NFIA: variants seen among roughly 807,000 people sequenced by gnomAD.
NFIA encodes the protein nuclear factor 1 A-type.
In NFIA, 8 loss-of-function variants were observed where a neutral mutation model predicts 62.8. The observed-to-expected ratio is 0.13, with a 90% CI of 0.07 to 0.23. NFIA has a LOEUF of 0.23. Among genes scored for constraint, NFIA ranks in the 10% least tolerant of loss-of-function variants. The pLI, the probability that NFIA is intolerant of heterozygous loss-of-function variation, is 1.00. For synonymous variants in NFIA, 235 were observed against 238.1 expected, an observed-to-expected ratio of 0.99 and a Z score of 0.12; for missense variants, 410 against 642.1, an observed-to-expected ratio of 0.64 and a Z score of 3.91.
intron 6 of NFIA, among the ~76,000 whole-genome samples, chr1:61,372,184 A>G (rs1663921263): frequency 6.6e-6 from 1 of 152,178 alleles, no homozygotes; most frequent in Non-Finnish European, 1.5e-5. Context: ...CATTAACTCC[A>G]ATATGAAAGG....
intron 3 of NFIA, among the ~76,000 whole-genome samples, chr1:61,292,918 C>G (rs910148172): frequency 1.3e-5 from 2 of 152,120 alleles, no homozygotes; most frequent in African/African-American, 4.8e-5. Context: ...TAGATCTTCC[C>G]CCAAGTCGTG....
In NFIA at chr1:61,305,391, C is replaced by T. The variant is rs566228295; in HGVS notation, c.626-27121C>T. Among the ~76,000 whole-genome samples, 30 of 152,294 alleles carry T rather than the reference C, an allele frequency of 2.0e-4. No homozygotes were observed. In the East Asian group the frequency reaches 3.1e-3, roughly 16 times the overall value. ...GCCAGAACCTCCGTTAAACACAAGACGGCCATTGGCTGCACCTGCAGAAGT... is the reference window on the plus strand; with the variant it reads ...GCCAGAACCTCCGTTAAACACAAGATGGCCATTGGCTGCACCTGCAGAAGT... On this transcript the variant is annotated intron_variant, in intron 3 of 10. Coordinates refer to ENST00000403491, the MANE Select transcript of NFIA (RefSeq NM_001134673.4).
At position 61,455,467 on chromosome 1, in the gene NFIA, A is replaced by G. The variant is rs1422779508; in HGVS notation, c.*147A>G. 1.5e-6 allele frequency: 2 copies of G among 1,333,380 alleles called. No individual in the cohort carries two copies. The highest frequency in any genetic ancestry group is 2.1e-6 in the Non-Finnish European group (2 of 943,640). 82.6% of individuals were successfully genotyped at this position (1,333,380 alleles called of 1,614,324 possible). A position where few individuals can be genotyped will look rare whatever the true frequency, so the allele number is the denominator to read the frequency against. ...CGATTCAAATCAACTTGTACATGGA[A>G]ACAGCAAGCATTATGGTCAAACAGC... is the stretch of plus-strand genomic sequence containing the variant. On this transcript the variant is annotated 3_prime_UTR_variant, in exon 11 of 11. Coordinates refer to ENST00000403491, the MANE Select transcript of NFIA (RefSeq NM_001134673.4).
At chr1:61,388,010 T>C (rs957837473) in intron 7 of NFIA, among the ~76,000 whole-genome samples, 1 of 152,192 alleles carries the variant, frequency 6.6e-6, no homozygotes, top group African/African-American at 2.4e-5. Flanking sequence ...AGTGTAAAGG[T>C]AGAGACATGT....
At chr1:61,389,662 T>G (rs532052681) in intron 7 of NFIA, among the ~76,000 whole-genome samples, 8 of 152,294 alleles carry the variant, frequency 5.3e-5, no homozygotes, top group African/African-American at 1.9e-4. Flanking sequence ...TACTTTGTTT[T>G]CACATTTTTT....
intron 3 of NFIA, among the ~76,000 whole-genome samples, chr1:61,314,622 C>A (rs1198156783): frequency 1.3e-5 from 2 of 152,180 alleles, no homozygotes; most frequent in Non-Finnish European, 2.9e-5. Flanking sequence ...CTCTGTCTGA[C>A]AATGGTACTC....
At chr1:61,151,485 C>T (rs1648408226) in intron 2 of NFIA, among the ~76,000 whole-genome samples, 1 of 149,600 alleles carries the variant, frequency 6.7e-6, no homozygotes, top group South Asian at 2.1e-4. Flanking sequence ...TGATTTCTTT[C>T]TTTCAAGGGG....
chr1:61,139,661 C>CAT (rs1647351103), intron 2 of NFIA, among the ~76,000 whole-genome samples: 1 of 152,056 alleles, frequency 6.6e-6, no homozygotes, highest in African/African-American at 2.4e-5. Flanking sequence ...TGTTCATGAA[C>CAT]ATGTACAGTT....
chr1:61,375,542 G>A (rs370966817), intron 6 of NFIA, among the ~76,000 whole-genome samples: 1 of 152,108 alleles, frequency 6.6e-6, no homozygotes, highest in African/African-American at 2.4e-5. Context: ...ACTCCCCCGC[G>A]CCCTCACCCA....
At chr1:61,101,678 T>C (rs963760673) in intron 2 of NFIA, among the ~76,000 whole-genome samples, 7 of 152,164 alleles carry the variant, frequency 4.6e-5, no homozygotes, top group Non-Finnish European at 8.8e-5. Context: ...CCTATTTTGC[T>C]CCTTCTTGGA....
At chr1:61,396,708 C>T (rs1040981744) in intron 7 of NFIA, among the ~76,000 whole-genome samples, 31 of 151,970 alleles carry the variant, frequency 2.0e-4, no homozygotes, top group Non-Finnish European at 4.0e-4. Flanking sequence ...TGGTCAGAAA[C>T]GTGCCTGGGG....
chr1:61,222,685 C>T (rs752552977), intron 2 of NFIA, among the ~76,000 whole-genome samples: 1 of 151,966 alleles, frequency 6.6e-6, no homozygotes, highest in Admixed American at 6.6e-5. Flanking sequence ...TGAAATAATG[C>T]TTTATAGAAC....
intron 4 of NFIA, among the ~76,000 whole-genome samples, chr1:61,345,777 A>G (rs891858993): frequency 2.0e-5 from 3 of 152,176 alleles, no homozygotes; most frequent in African/African-American, 7.2e-5. Context: ...CCCTACTCTG[A>G]TTCATGGCAA....
chr1:61,453,719 G>A (rs1390986200), intron 10 of NFIA, among the ~76,000 whole-genome samples: 2 of 152,164 alleles, frequency 1.3e-5, no homozygotes, highest in African/African-American at 2.4e-5. Context: ...TAGAAGGGAG[G>A]AAGCGGCTCT....
chr1:61,150,792 C>T (rs975428890), intron 2 of NFIA, among the ~76,000 whole-genome samples: 2 of 152,094 alleles, frequency 1.3e-5, no homozygotes, highest in African/African-American at 2.4e-5. Context: ...AACAGTTAGA[C>T]TAGAAGGATG....
chr1:61,147,114 G>A (rs1648066749), intron 2 of NFIA, among the ~76,000 whole-genome samples: 1 of 151,924 alleles, frequency 6.6e-6, no homozygotes, highest in Admixed American at 6.6e-5. Flanking sequence ...CTGCATAGTT[G>A]GAAGTGATGG....
chr1:61,260,701 C>T (rs1656711719), intron 2 of NFIA, among the ~76,000 whole-genome samples: 1 of 152,214 alleles, frequency 6.6e-6, no homozygotes, highest in African/African-American at 2.4e-5. Context: ...CTGCCTCAAC[C>T]TCTGGAGTAA....
intron 6 of NFIA, among the ~76,000 whole-genome samples, chr1:61,371,155 G>A (rs1333840123): frequency 1.3e-5 from 2 of 152,134 alleles, no homozygotes; most frequent in Non-Finnish European, 2.9e-5. Flanking sequence ...CACCCCTCAT[G>A]TCTTAACACT....
upstream of NFIA, chr1:61,077,739 A>ATATGCACTT: frequency 1.4e-6 from 1 of 725,520 alleles, no homozygotes; most frequent in Non-Finnish European, 2.1e-6. Context: ...TCTAGCTCGC[A>ATATGCACTT]TATGCACTTA....
Sources: gnomAD v4.1 joint callset for allele counts (sites outside exome capture counted in the v4.1 genomes callset) on GRCh38, gnomAD v4.1.1 for gene constraint, MANE v1.5 for transcripts, NCBI Gene and HGNC (gene_info 2026-07-23, HGNC 2026-07-21) for gene names.